DMRTA1: variants seen among roughly 807,000 people sequenced by gnomAD.
DMRTA1 encodes the protein doublesex- and mab-3-related transcription factor A1.
In DMRTA1, 34 loss-of-function variants were observed where a neutral mutation model predicts 35.2. The ratio of observed to expected loss-of-function variants is 0.97; its 90% confidence interval spans 0.74 to 1.29. The LOEUF (loss-of-function observed/expected upper bound fraction) is 1.29, where lower values mean the gene tolerates loss of function less well. DMRTA1 is among the 50% of genes most tolerant of loss of function. The pLI, the probability that DMRTA1 is intolerant of heterozygous loss-of-function variation, is 0.00. For synonymous variants in DMRTA1, 344 were observed against 276.6 expected, an observed-to-expected ratio of 1.24 and a Z score of -2.42; for missense variants, 824 against 644.6, an observed-to-expected ratio of 1.28 and a Z score of -3.01.
In DMRTA1 at chr9:22,452,532, T is replaced by C. The variant is rs1818946397; in HGVS notation, c.*621T>C. On this transcript the variant is annotated 3_prime_UTR_variant, in exon 2 of 2. Transcript: ENST00000325870. ...CTTAGCTTCCATGAGTGAAAACAAG[T>C]GCCATTAAAAAACATTTCTCTTTAA... 1 of 152,212 alleles carries C rather than the reference T, an allele frequency of 6.6e-6. No homozygotes were observed. Among genetic ancestry groups the C allele is most frequent in the Admixed American group, 6.5e-5 (1 of 15,268 alleles). The allele number at this position is 152,212 out of a possible 1,614,324, so 9.4% of individuals were successfully genotyped here.
intron 1 of DMRTA1, among the ~76,000 whole-genome samples, chr9:22,450,116 T>G (rs1818902922): frequency 6.6e-6 from 1 of 152,112 alleles, no homozygotes; most frequent in South Asian, 2.1e-4. Context: ...ATTAACATAT[T>G]CTTGTTTGAT....
rs770253371 is a variant in DMRTA1 at position 22,451,836 on chromosome 9, TTCTTCCTACCTTTCC to T, written c.1441_1455del (p.Ser482_Ser486del). 17 of 1,613,934 alleles carry T rather than the reference TTCTTCCTACCTTTCC, an allele frequency of 1.1e-5. No individual in the cohort carries two copies. The highest frequency in any genetic ancestry group is 1.4e-5 in the Non-Finnish European group (16 of 1,179,928). ...ATGCCTTTTCAGGGATGATTAGAGA[TTCTTCCTACCTTTCC>T]AGTAAAGACTCAATAACTTGTGGCA... is the stretch of plus-strand genomic sequence containing the variant. On this transcript the variant is annotated inframe_deletion, in exon 2 of 2. Transcript: ENST00000325870.
chr9:22,454,793 A>G lies in DMRTA1; in HGVS notation c.*2882A>G, dbSNP rs1351604655. On this transcript the variant is annotated 3_prime_UTR_variant, in exon 2 of 2. Coordinates refer to ENST00000325870, the MANE Select transcript of DMRTA1 (RefSeq NM_022160.3). The stretch of plus-strand genomic sequence containing the variant: ...AAGAACATAAGGAATGACTTTTTTC[A>G]CAGTTAACAGCTGTCCAAGAGTGTA... 1 of 152,154 alleles carries G rather than the reference A, an allele frequency of 6.6e-6. No individual in the cohort carries two copies. Among genetic ancestry groups the G allele is most frequent in the African/African-American group, 2.4e-5 (1 of 41,440 alleles). 9.4% of individuals were successfully genotyped at this position (152,154 alleles called of 1,614,324 possible). A position where few individuals can be genotyped will look rare whatever the true frequency, so the allele number is the denominator to read the frequency against.
rs1818842151 is a variant in DMRTA1, at chr9:22,447,147, C to T, written c.82C>T (p.Pro28Ser). ...GGCCCCTGGGCTAGTGGTGGCTGCC[C>T]CTCCGCCCCCGTCCCCGGCGTTGCC... ...HLAPGLVVAA[P>S]PPPSPALPVP... is the part of the protein sequence containing the mutation. The change falls in exon 1 of 2, where the codon CCT becomes TCT. Residue 28 changes from proline to serine, a missense_variant. Pro to Ser is a moderately conservative substitution (Grantham distance 74, BLOSUM62 -1). Coordinates refer to ENST00000325870, the MANE Select transcript of DMRTA1 (RefSeq NM_022160.3). 1.9e-6 allele frequency: 3 copies of T among 1,602,486 alleles called. No homozygotes were observed. The highest frequency in any genetic ancestry group is 2.6e-6 in the Non-Finnish European group (3 of 1,175,686).
rs1818961059 is a variant in DMRTA1, at chr9:22,453,424, T to C, written c.*1513T>C. The C allele has an allele frequency of 6.6e-6, 1 of 152,116 alleles. No homozygotes were observed. The highest frequency in any genetic ancestry group is 1.9e-4 in the East Asian group (1 of 5,200). 9.4% of individuals were successfully genotyped at this position (152,116 alleles called of 1,614,324 possible). A position where few individuals can be genotyped will look rare whatever the true frequency, so the allele number is the denominator to read the frequency against. ...TTTTGCCAGCAAATGTGATATTAAA[T>C]TACTTCAGAGTATCTGATGCTGATT... On this transcript the variant is annotated 3_prime_UTR_variant, in exon 2 of 2. Coordinates refer to ENST00000325870, the MANE Select transcript of DMRTA1 (RefSeq NM_022160.3).
rs1818980974 is a variant in DMRTA1 at position 22,454,866 on chromosome 9, T to C, written c.*2955T>C. On this transcript the variant is annotated 3_prime_UTR_variant, in exon 2 of 2. Transcript: ENST00000325870. ...CATCTGGAACTCATTGAAAAATGCA[T>C]GTAGAAAATACCAATCAGAGCCTGA... 1 of 152,166 alleles carries C rather than the reference T, an allele frequency of 6.6e-6. No homozygotes were observed. Among genetic ancestry groups the C allele is most frequent in the African/African-American group, 2.4e-5 (1 of 41,434 alleles). 9.4% of individuals were successfully genotyped at this position (152,166 alleles called of 1,614,324 possible). A position where few individuals can be genotyped will look rare whatever the true frequency, so the allele number is the denominator to read the frequency against.
chr9:22,450,935 G>C, intron 1 of DMRTA1, 129 bp from the exon 2 acceptor site: 2 of 952,376 alleles, frequency 2.1e-6, no homozygotes, highest in Non-Finnish European at 1.5e-6. Flanking sequence ...AAAATGTCTT[G>C]GAGTGTATAA....
Position 22,447,571 on chromosome 9 carries a change from G to A in DMRTA1, c.506G>A (p.Gly169Asp), listed in dbSNP as rs1239580914. The A allele has an allele frequency of 6.3e-7, 1 of 1,599,158 alleles. No individual in the cohort carries two copies. Among genetic ancestry groups the A allele is most frequent in the Admixed American group, 1.7e-5 (1 of 58,530 alleles). ...LLCSGLSWPP[G>D]GRASGGGGRA... is the part of the protein sequence containing the mutation. The stretch of plus-strand genomic sequence containing the variant: ...TGCTCGGGGCTCTCCTGGCCCCCCG[G>A]TGGTCGGGCATCCGGGGGCGGCGGC... The change falls in exon 1 of 2, where the codon GGT becomes GAT. Residue 169 changes from glycine (G) to aspartate (D), a missense_variant. Coordinates refer to ENST00000325870, the MANE Select transcript of DMRTA1 (RefSeq NM_022160.3).
rs978309102 is a variant in DMRTA1 at position 22,452,801 on chromosome 9, G to A, written c.*890G>A. The A allele has an allele frequency of 1.3e-5, 2 of 151,984 alleles. No individual in the cohort carries two copies. The highest frequency in any genetic ancestry group is 4.8e-5 in the African/African-American group (2 of 41,390). The allele number at this position is 151,984 out of a possible 1,614,324, so 9.4% of individuals were successfully genotyped here. On this transcript the variant is annotated 3_prime_UTR_variant, in exon 2 of 2. Coordinates refer to ENST00000325870, the MANE Select transcript of DMRTA1 (RefSeq NM_022160.3). ...TTAAGTGTGCTTATGTCTGTATCTG[G>A]GGAAATATCCTTAAAAGTTTGGGAC... is the stretch of plus-strand genomic sequence containing the variant.
Position 22,446,834 on chromosome 9 carries a change from C to T in DMRTA1, c.-232C>T. On this transcript the variant is annotated 5_prime_UTR_variant, in exon 1 of 2. Transcript: ENST00000325870. ...AGGCACAAAGGCATTAACTTAGCGC[C>T]CGGGGTCTCTGCCAGGCTCACGGGA... is the stretch of plus-strand genomic sequence containing the variant. 1 of 541,862 alleles carries T rather than the reference C, an allele frequency of 1.8e-6. No homozygotes were observed. The highest frequency in any genetic ancestry group is 3.1e-6 in the Non-Finnish European group (1 of 318,100). 33.6% of individuals were successfully genotyped at this position (541,862 alleles called of 1,614,324 possible).
rs1818951726 is a variant in DMRTA1 at position 22,452,785 on chromosome 9, CTT to C, written c.*875_*876del. 1 of 151,956 alleles carries C rather than the reference CTT, an allele frequency of 6.6e-6. No individual in the cohort carries two copies. The highest frequency in any genetic ancestry group is 2.4e-5 in the African/African-American group (1 of 41,368). The allele number at this position is 151,956 out of a possible 1,614,324, so 9.4% of individuals were successfully genotyped here. ...ATGAGAGTTGCAGTCTTTAAGTGTG[CTT>C]ATGTCTGTATCTGGGGAAATATCCT... On this transcript the variant is annotated 3_prime_UTR_variant, in exon 2 of 2. Transcript: ENST00000325870.
chr9:22,451,627 C>T lies in DMRTA1; in HGVS notation c.1231C>T (p.Pro411Ser), dbSNP rs779129735. 6.2e-6 allele frequency: 10 copies of T among 1,614,118 alleles called. No individual in the cohort carries two copies. The highest frequency in any genetic ancestry group is 3.3e-5 in the South Asian group (3 of 91,082). The change falls in exon 2 of 2, where the codon CCT becomes TCT. Residue 411 changes from proline (P) to serine (S), a missense_variant. Physicochemically the swap from Pro to Ser is moderately conservative, Grantham distance 74 (BLOSUM62 -1). Transcript: ENST00000325870. ...GTLGNKSAFS[P>S]LQTTSASYGG... The stretch of plus-strand genomic sequence containing the variant: ...TCTAGGTAATAAATCAGCTTTCTCT[C>T]CTCTTCAAACTACTTCTGCTTCTTA...
chr9:22,447,687 C>G lies in DMRTA1; in HGVS notation c.622C>G (p.Pro208Ala). ...ALRQASGSAT[P>A]AFEVFQQDYP... is the part of the protein sequence containing the mutation. ...GAGACAGGCCAGTGGTTCCGCGACC[C>G]CCGCTTTCGAAGTTTTCCAGCAAGA... Residue 208 changes from proline to alanine, a missense_variant, in exon 1 of 2, where the codon CCC (proline) becomes GCC (alanine). Pro to Ala is a conservative substitution (Grantham distance 27, BLOSUM62 -1). Transcript: ENST00000325870. The G allele has an allele frequency of 6.2e-7, 1 of 1,613,060 alleles. No homozygotes were observed. Among genetic ancestry groups the G allele is most frequent in the Non-Finnish European group, 8.5e-7 (1 of 1,179,950 alleles).
rs1020157495 is a variant in DMRTA1, at chr9:22,450,682, A to G, written c.668-382A>G. Reference sequence around the variant, plus strand: ...GTCATTCTGAAAAAATATCACTTAGATAACAACAAAACTTAGGTGACATTT... The same window carrying G: ...GTCATTCTGAAAAAATATCACTTAGGTAACAACAAAACTTAGGTGACATTT... On this transcript the variant is annotated intron_variant, in intron 1 of 1. Transcript: ENST00000325870. 4.6e-5 allele frequency among the ~76,000 whole-genome samples: 7 copies of G among 152,260 alleles called. 1 individual carries two copies. The highest frequency in any genetic ancestry group is 3.3e-4 in the Admixed American group (5 of 15,298).
At position 22,454,264 on chromosome 9, in the gene DMRTA1, T is replaced by A. The variant is rs573573397; in HGVS notation, c.*2353T>A. ...TCACTTCAGCAATTTCAGACTCCAA[T>A]GTCTGAGGAAGGATTCATGTCTGTT... is the stretch of plus-strand genomic sequence containing the variant. On this transcript the variant is annotated 3_prime_UTR_variant, in exon 2 of 2. Coordinates refer to ENST00000325870, the MANE Select transcript of DMRTA1 (RefSeq NM_022160.3). 3.3e-5 allele frequency: 5 copies of A among 152,184 alleles called. No homozygotes were observed. Among genetic ancestry groups the A allele is most frequent in the African/African-American group, 1.2e-4 (5 of 41,540 alleles). 9.4% of individuals were successfully genotyped at this position (152,184 alleles called of 1,614,324 possible).
chr9:22,449,488 G>A (rs983210581), intron 1 of DMRTA1, among the ~76,000 whole-genome samples: 4 of 152,096 alleles, frequency 2.6e-5, no homozygotes, highest in Non-Finnish European at 4.4e-5. Flanking sequence ...TACATATATT[G>A]TACTGTGAGT....
intron 1 of DMRTA1, among the ~76,000 whole-genome samples, chr9:22,449,332 A>G (rs1041025047): frequency 6.6e-6 from 1 of 152,224 alleles, no homozygotes; most frequent in African/African-American, 2.4e-5. Context: ...TCCAAAAACT[A>G]CAATGCAAGG....
intron 1 of DMRTA1, among the ~76,000 whole-genome samples, chr9:22,448,734 A>AT (rs995487142): frequency 2.0e-5 from 3 of 152,224 alleles, no homozygotes; most frequent in African/African-American, 7.2e-5. Context: ...ATCTCAACAG[A>AT]TTTTTTCGCT....
rs1402525975 is a variant in DMRTA1, at chr9:22,451,456, G to T, written c.1060G>T (p.Gly354Trp). ...RLEGILRFCK[G>W]DVVQAIEQVL... ...AGAAGGCATTCTACGGTTCTGCAAA[G>T]GGGATGTGGTCCAAGCCATTGAACA... Residue 354 changes from glycine (G) to tryptophan (W), a missense_variant, in exon 2 of 2, where the codon GGG (glycine) becomes TGG (tryptophan). By Grantham distance (184) the Gly-to-Trp change is radical (BLOSUM62 -2). Transcript: ENST00000325870. 6 of 1,614,054 alleles carry T rather than the reference G, an allele frequency of 3.7e-6. No homozygotes were observed. Among genetic ancestry groups the T allele is most frequent in the Middle Eastern group, 1.6e-4 (1 of 6,084 alleles).
Sources: gnomAD v4.1 joint callset for allele counts (sites outside exome capture counted in the v4.1 genomes callset) on GRCh38, gnomAD v4.1.1 for gene constraint, MANE v1.5 for transcripts, NCBI Gene and HGNC (gene_info 2026-07-23, HGNC 2026-07-21) for gene names.